Variants in ATRNL1 observed in about 807,000 individuals in gnomAD.
ATRNL1 encodes attractin-like protein 1.
A neutral mutation model predicts 182.7 loss-of-function variants in ATRNL1; 95 were observed. The observed-to-expected ratio is 0.52, with a 90% CI of 0.44 to 0.62. The LOEUF (loss-of-function observed/expected upper bound fraction) is 0.62. Ranked by LOEUF, ATRNL1 falls within the 20% of genes least tolerant of loss-of-function variation. The pLI is 0.00. For missense variants in ATRNL1, 1,471 were observed against 1,679.5 expected, an observed-to-expected ratio of 0.88 and a Z score of 2.17; for synonymous variants, 576 against 568.3, an observed-to-expected ratio of 1.01 and a Z score of -0.19.
intron 1 of ATRNL1, among the ~76,000 whole-genome samples, chr10:115,106,108 C>T (rs1314017484): frequency 6.6e-6 from 1 of 152,166 alleles, no homozygotes; most frequent in Non-Finnish European, 1.5e-5. Flanking sequence ...GCCACAGGGT[C>T]GGAGCTGCCC....
At chr10:115,456,381 A>T (rs1277874511) in intron 21 of ATRNL1, among the ~76,000 whole-genome samples, 1 of 152,142 alleles carries the variant, frequency 6.6e-6, no homozygotes, top group Non-Finnish European at 1.5e-5. Context: ...AACTAACACA[A>T]GAACAGAAAA....
intron 8 of ATRNL1, among the ~76,000 whole-genome samples, chr10:115,180,002 G>C (rs1461716477): frequency 6.6e-6 from 1 of 151,436 alleles, no homozygotes; most frequent in Non-Finnish European, 1.5e-5. Context: ...ATTTCTTTTT[G>C]AATTATGCTA....
intron 10 of ATRNL1, among the ~76,000 whole-genome samples, chr10:115,256,477 G>A (rs1312219746): frequency 6.6e-6 from 1 of 151,928 alleles, no homozygotes; most frequent in East Asian, 1.9e-4. Context: ...TGGGATCTGT[G>A]GTGATATCCC....
chr10:115,902,740 T>C (rs1267877312), intron 28 of ATRNL1, among the ~76,000 whole-genome samples: 1 of 152,282 alleles, frequency 6.6e-6, no homozygotes, highest in Admixed American at 6.5e-5. Flanking sequence ...CAGAAATCAA[T>C]TGGATGTGAA....
intron 10 of ATRNL1, among the ~76,000 whole-genome samples, chr10:115,247,219 C>T (rs1183795841): frequency 5.3e-5 from 8 of 152,100 alleles, no homozygotes; most frequent in African/African-American, 1.9e-4. Context: ...AATGAAAAGA[C>T]AACCTCCAGA....
rs1343296887 is a variant in ATRNL1 at position 115,266,724 on chromosome 10, A to AT, written c.1773-68dup. On this transcript the variant is annotated intron_variant, in intron 11 of 28. Coordinates refer to ENST00000355044, the MANE Select transcript of ATRNL1 (RefSeq NM_207303.4). ...AAAATGTATATTTAAATCTATGCTT[A>AT]TTTTTATAACTAAATCAGTAGATAG... 5.9e-5 allele frequency: 50 copies of AT among 850,170 alleles called. No homozygotes were observed. The African/African-American group carries it at 7.3e-4, about 12-fold the overall frequency. The allele number at this position is 850,170 out of a possible 1,614,324, so 52.7% of individuals were successfully genotyped here.
At chr10:115,618,282 A>G (rs1555021500) in intron 26 of ATRNL1, among the ~76,000 whole-genome samples, 1 of 152,152 alleles carries the variant, frequency 6.6e-6, no homozygotes, top group Non-Finnish European at 1.5e-5. Flanking sequence ...TTTAAATATA[A>G]TATTCCTCAG....
chr10:115,853,992 C>G (rs1231582691), intron 28 of ATRNL1, among the ~76,000 whole-genome samples: 1 of 152,168 alleles, frequency 6.6e-6, no homozygotes, highest in Non-Finnish European at 1.5e-5. Context: ...CTTACTCATT[C>G]AAGAAACGTG....
intron 26 of ATRNL1, among the ~76,000 whole-genome samples, chr10:115,722,082 A>G (rs1293886902): frequency 6.6e-6 from 1 of 152,234 alleles, no homozygotes; most frequent in African/African-American, 2.4e-5. Context: ...AGTTAATACA[A>G]ATATTGCAAA....
At chr10:115,806,717 C>T (rs1949927116) in intron 27 of ATRNL1, among the ~76,000 whole-genome samples, 4 of 152,068 alleles carry the variant, frequency 2.6e-5, no homozygotes, top group Admixed American at 2.6e-4. Flanking sequence ...AAACAGACTG[C>T]CTGAGTTTAA....
At chr10:115,140,584 A>G (rs1554877800) in intron 5 of ATRNL1, among the ~76,000 whole-genome samples, 1 of 152,170 alleles carries the variant, frequency 6.6e-6, no homozygotes, top group African/African-American at 2.4e-5. Context: ...ATTTATATGT[A>G]AGAGAGTTGC....
At chr10:115,307,450 C>T (rs782576571) in intron 17 of ATRNL1, among the ~76,000 whole-genome samples, 7 of 151,940 alleles carry the variant, frequency 4.6e-5, no homozygotes, top group Non-Finnish European at 7.4e-5. Context: ...TTAGTAGAGA[C>T]GGGGTTTCAC....
At chr10:115,916,158 GGCAGTC>G (rs1191350263) in intron 28 of ATRNL1, among the ~76,000 whole-genome samples, 1 of 152,044 alleles carries the variant, frequency 6.6e-6, no homozygotes, top group Non-Finnish European at 1.5e-5. Flanking sequence ...CATCTTAAAG[GGCAGTC>G]ACCTTCCCTA....
chr10:115,234,715 C>G (rs183807094), intron 9 of ATRNL1, among the ~76,000 whole-genome samples: 1 of 151,392 alleles, frequency 6.6e-6, no homozygotes, highest in East Asian at 1.9e-4. Flanking sequence ...TTTAGACTCC[C>G]GAGTCACTGG....
At chr10:115,558,522 G>T (rs560006160) in intron 26 of ATRNL1, among the ~76,000 whole-genome samples, 2 of 152,208 alleles carry the variant, frequency 1.3e-5, no homozygotes, top group African/African-American at 2.4e-5. Flanking sequence ...GGGGAGGGCT[G>T]TAGGGAGAGT....
At chr10:115,612,167 G>A (rs1438522366) in intron 26 of ATRNL1, among the ~76,000 whole-genome samples, 4 of 151,864 alleles carry the variant, frequency 2.6e-5, no homozygotes, top group East Asian at 1.9e-4. Flanking sequence ...CAGGAGAATC[G>A]CTTGAACCTG....
At chr10:115,258,027 G>C (rs1851231854) in intron 10 of ATRNL1, among the ~76,000 whole-genome samples, 1 of 152,126 alleles carries the variant, frequency 6.6e-6, no homozygotes, top group Non-Finnish European at 1.5e-5. Flanking sequence ...CTTTCTCTCT[G>C]GCTGTCCTTA....
intron 8 of ATRNL1, among the ~76,000 whole-genome samples, chr10:115,190,932 A>G (rs59303061): frequency 0.013 from 1,953 of 152,106 alleles, 35 homozygotes; most frequent in African/African-American, 0.044. Flanking sequence ...CATAAATTCA[A>G]CAATTTTTGT....
chr10:115,155,413 A>G (rs781979046), intron 5 of ATRNL1, among the ~76,000 whole-genome samples: 1 of 152,102 alleles, frequency 6.6e-6, no homozygotes. Flanking sequence ...CATTTATTAT[A>G]GTATTAAATA....
Sources: gnomAD v4.1 joint callset for allele counts (sites outside exome capture counted in the v4.1 genomes callset) on GRCh38, gnomAD v4.1.1 for gene constraint, MANE v1.5 for transcripts, NCBI Gene and HGNC (gene_info 2026-07-23, HGNC 2026-07-21) for gene names.